The following CCDC85C variants were observed in gnomAD, a reference collection of about 807,000 sequenced individuals.
CCDC85C encodes the protein coiled-coil domain containing 85C.
A neutral mutation model predicts 38.3 loss-of-function variants in CCDC85C; 18 were observed. The ratio of observed to expected loss-of-function variants is 0.47; its 90% confidence interval spans 0.33 to 0.70. The LOEUF is 0.70. Among genes scored for constraint, CCDC85C ranks in the 30% least tolerant of loss-of-function variants. The probability of loss-of-function intolerance (pLI) is 0.03; values close to 1 mark genes in which losing one functional copy is unlikely to be tolerated. For missense variants in CCDC85C, 566 were observed against 621.2 expected, an observed-to-expected ratio of 0.91 and a Z score of 0.94; for synonymous variants, 264 against 293.8, an observed-to-expected ratio of 0.90 and a Z score of 1.04.
At chr14:99,526,521 G>A (rs1310168069) in intron 2 of CCDC85C, among the ~76,000 whole-genome samples, 1 of 152,196 alleles carries the variant, frequency 6.6e-6, no homozygotes, top group Non-Finnish European at 1.5e-5. Flanking sequence ...ACGGAGGCGA[G>A]AGGTGAGACC....
In CCDC85C at chr14:99,545,068, G is replaced by A. The variant is rs772926256; in HGVS notation, c.794-8980C>T. ...GTAGCTAGAGAAGAGGAAAACGAAC[G>A]GCTGCCCTAATGAGAATGAAATCTC... On this transcript the variant is annotated intron_variant, in intron 1 of 5. Transcript: ENST00000380243. This position sits in a 1 kb window ranked among gnomAD's most constrained non-coding sequence, Gnocchi z 4.7. Among the ~76,000 whole-genome samples the A allele has an allele frequency of 3.9e-5, 6 of 152,240 alleles. No homozygotes were observed. The South Asian group carries it at 6.2e-4, about 16-fold the overall frequency.
intron 1 of CCDC85C, among the ~76,000 whole-genome samples, chr14:99,579,201 G>A (rs367543861): frequency 2.8e-4 from 43 of 152,234 alleles, no homozygotes; most frequent in Non-Finnish European, 5.4e-4. Flanking sequence ...ATGAAATGAC[G>A]TCAGGGAAAC....
chr14:99,518,945 C>T (rs1482411821), intron 3 of CCDC85C, among the ~76,000 whole-genome samples: 2 of 152,054 alleles, frequency 1.3e-5, no homozygotes, highest in Non-Finnish European at 1.5e-5. Context: ...AGGGCATTCC[C>T]GGGGTGCAGG....
intron 3 of CCDC85C, among the ~76,000 whole-genome samples, chr14:99,521,917 C>T (rs1427277359): frequency 1.3e-5 from 2 of 152,246 alleles, no homozygotes; most frequent in Non-Finnish European, 2.9e-5. Flanking sequence ...GCCCTGCGCA[C>T]GTGGCCTCTG....
At chr14:99,542,047 G>A (rs898532515) in intron 1 of CCDC85C, among the ~76,000 whole-genome samples, 3 of 152,200 alleles carry the variant, frequency 2.0e-5, no homozygotes, top group East Asian at 3.9e-4. Context: ...CAGGAGACCT[G>A]GCCACTCCAA....
rs536128048 is a variant in CCDC85C, at chr14:99,577,185, C to G, written c.793+25982G>C. On this transcript the variant is annotated intron_variant, in intron 1 of 5. Transcript: ENST00000380243. ...TCCTCACTCCCCCTTCCCAGGCAGC[C>G]CTGCCCACGGTGCTTAATAAACACA... is the stretch of plus-strand genomic sequence containing the variant. 7.2e-5 allele frequency among the ~76,000 whole-genome samples: 11 copies of G among 152,066 alleles called. No homozygotes were observed. The East Asian group carries it at 2.0e-3, about 27-fold the overall frequency.
At chr14:99,593,363 G>A (rs1036508063) in intron 1 of CCDC85C, among the ~76,000 whole-genome samples, 1 of 152,218 alleles carries the variant, frequency 6.6e-6, no homozygotes, top group Non-Finnish European at 1.5e-5. Context: ...CTGCCGTTTC[G>A]GTGCCACCGG....
Position 99,548,556 on chromosome 14 carries a change from A to G in CCDC85C, c.794-12468T>C, listed in dbSNP as rs1404759649. Among the ~76,000 whole-genome samples, 1 of 151,618 alleles carries G rather than the reference A, an allele frequency of 6.6e-6. No individual in the cohort carries two copies. The highest frequency in any genetic ancestry group is 1.5e-5 in the Non-Finnish European group (1 of 67,926). On this transcript the variant is annotated intron_variant, in intron 1 of 5. Coordinates refer to ENST00000380243, the MANE Select transcript of CCDC85C (RefSeq NM_001144995.2). This position sits in a 1 kb window ranked among gnomAD's most constrained non-coding sequence, Gnocchi z 4.9. ...GACAGGCACAAGACCGTGTCTGCCA[A>G]CACCAGCTGTACTAGTGAAAACTGT...
chr14:99,556,009 C>T (rs1222837847), intron 1 of CCDC85C, among the ~76,000 whole-genome samples: 2 of 152,214 alleles, frequency 1.3e-5, no homozygotes, highest in Non-Finnish European at 2.9e-5. Context: ...TACCAAAGAA[C>T]CGGTCTGTAC....
At chr14:99,527,397 C>T (rs1385036690) in intron 2 of CCDC85C, among the ~76,000 whole-genome samples, 1 of 152,186 alleles carries the variant, frequency 6.6e-6, no homozygotes, top group Non-Finnish European at 1.5e-5. Flanking sequence ...GGGTGGAAGA[C>T]CCCCGGAGGG....
Position 99,510,265 on chromosome 14 carries a change from C to CCT in CCDC85C, c.*4980_*4981insAG. The CCT allele has an allele frequency of 6.4e-7, 1 of 1,560,638 alleles. No individual in the cohort carries two copies. The highest frequency in any genetic ancestry group is 1.8e-5 in the Admixed American group (1 of 55,182). ...ATTCCCCCTCCGGCCCACCCGGCCC[C>CCT]TGTGCACCAGCCACCGCCGCTGCCA... On this transcript the variant is annotated 3_prime_UTR_variant, in exon 6 of 6. Coordinates refer to ENST00000380243, the MANE Select transcript of CCDC85C (RefSeq NM_001144995.2).
chr14:99,528,990 TAAAAC>T (rs1263099117), intron 2 of CCDC85C, among the ~76,000 whole-genome samples: 1 of 151,734 alleles, frequency 6.6e-6, no homozygotes, highest in Non-Finnish European at 1.5e-5. Context: ...CCCAGGAACT[TAAAAC>T]AAAAGTTGAT....
intron 1 of CCDC85C, among the ~76,000 whole-genome samples, chr14:99,543,908 G>C (rs1897759159): frequency 6.6e-6 from 1 of 152,224 alleles, no homozygotes; most frequent in Admixed American, 6.5e-5. Flanking sequence ...AGTGCCCACA[G>C]CCCACAAATG....
intron 1 of CCDC85C, among the ~76,000 whole-genome samples, chr14:99,537,038 AAGG>A (rs922010195): frequency 6.6e-6 from 1 of 152,074 alleles, no homozygotes; most frequent in South Asian, 2.1e-4. Context: ...GCAGGTTTGG[AAGG>A]AGGAGGCAAG....
intron 2 of CCDC85C, among the ~76,000 whole-genome samples, chr14:99,532,338 G>A (rs1215070490): frequency 6.6e-6 from 1 of 152,194 alleles, no homozygotes; most frequent in African/African-American, 2.4e-5. Context: ...TTCCTCACAG[G>A]CAGTGCCCTG....
Position 99,603,932 on chromosome 14 carries a change from CCGCCGCCGT to C in CCDC85C, c.19_27del (p.Thr7_Ala9del). 7.1e-7 allele frequency: 1 copy of C among 1,415,326 alleles called. No individual in the cohort carries two copies. The highest frequency in any genetic ancestry group is 3.0e-5 in the East Asian group (1 of 33,082). The allele number at this position is 1,415,326 out of a possible 1,614,324, so 87.7% of individuals were successfully genotyped here. ...ACCTGGCTCAGCTCCTCCGACGCCGCCGCCGCCGTCGCCGCGGGCTTAGCCATGGCGGGG... is the reference window on the plus strand; with the variant it reads ...ACCTGGCTCAGCTCCTCCGACGCCGCCGCCGCGGGCTTAGCCATGGCGGGG... On this transcript the variant is annotated inframe_deletion, in exon 1 of 6. Coordinates refer to ENST00000380243, the MANE Select transcript of CCDC85C (RefSeq NM_001144995.2). This position sits in a 1 kb window ranked among gnomAD's most constrained non-coding sequence, Gnocchi z 7.5.
rs1897795906 is a variant in CCDC85C, at chr14:99,545,825, C to A, written c.794-9737G>T. Among the ~76,000 whole-genome samples the A allele has an allele frequency of 6.6e-6, 1 of 152,154 alleles. No individual in the cohort carries two copies. Among genetic ancestry groups the A allele is most frequent in the African/African-American group, 2.4e-5 (1 of 41,436 alleles). On this transcript the variant is annotated intron_variant, in intron 1 of 5. Coordinates refer to ENST00000380243, the MANE Select transcript of CCDC85C (RefSeq NM_001144995.2). This position sits in a 1 kb window ranked among gnomAD's most constrained non-coding sequence, Gnocchi z 4.7. ...ATCTCTTCCCCTGAGACTAACTGGA[C>A]ACTCTAGGGGAGGGACCTGGGCATC...
chr14:99,564,265 T>A (rs947611813), intron 1 of CCDC85C, among the ~76,000 whole-genome samples: 2 of 152,192 alleles, frequency 1.3e-5, no homozygotes, highest in Admixed American at 6.5e-5. Flanking sequence ...TGCTCTCTGG[T>A]CCTGATAACC....
At chr14:99,521,386 G>A (rs931299214) in intron 3 of CCDC85C, among the ~76,000 whole-genome samples, 16 of 152,224 alleles carry the variant, frequency 1.1e-4, no homozygotes, top group African/African-American at 2.7e-4. Flanking sequence ...GCTCTGCACC[G>A]GGGGCCTGGG....
Sources: gnomAD v4.1 joint callset for allele counts (sites outside exome capture counted in the v4.1 genomes callset) on GRCh38, gnomAD v4.1.1 for gene constraint, Gnocchi (gnomAD v3.1) non-coding constraint, MANE v1.5 for transcripts, NCBI Gene and HGNC (gene_info 2026-07-23, HGNC 2026-07-21) for gene names.